The following TFCP2L1 variants were observed in gnomAD, a reference collection of about 807,000 sequenced individuals.
TFCP2L1 encodes the protein transcription factor CP2-like protein 1.
A neutral mutation model predicts 72.2 loss-of-function variants in TFCP2L1; 12 were observed. The ratio of observed to expected loss-of-function variants is 0.17; its 90% CI spans 0.11 to 0.27. TFCP2L1 has a LOEUF of 0.27. Among genes scored for constraint, TFCP2L1 ranks in the 10% least tolerant of loss-of-function variants. TFCP2L1 has a pLI of 1.00. For missense variants in TFCP2L1, 488 were observed against 624.6 expected, an observed-to-expected ratio of 0.78 and a Z score of 2.33; for synonymous variants, 260 against 251.0, an observed-to-expected ratio of 1.04 and a Z score of -0.34.
At chr2:121,266,942 T>TCACCC (rs2104741682) in intron 2 of TFCP2L1, among the ~76,000 whole-genome samples, 1 of 151,938 alleles carries the variant, frequency 6.6e-6, no homozygotes, top group East Asian at 1.9e-4. Flanking sequence ...AGATGGAGTC[T>TCACCC]CACCCTGTTG....
intron 8 of TFCP2L1, among the ~76,000 whole-genome samples, chr2:121,238,961 C>T (rs1307713332): frequency 6.6e-6 from 1 of 152,162 alleles, no homozygotes; most frequent in African/African-American, 2.4e-5. Flanking sequence ...GCCTCCACCC[C>T]TGCTGCCAGC....
At chr2:121,275,264 GT>G (rs1687123040) in intron 2 of TFCP2L1, among the ~76,000 whole-genome samples, 1 of 7,378 alleles carries the variant, frequency 1.4e-4, no homozygotes, top group Admixed American at 1.7e-3. Context: ...GGCGCCTGTA[GT>G]CGCGGCGCCT....
At chr2:121,253,272 T>TCCCATCAG (rs1463374625) in intron 2 of TFCP2L1, among the ~76,000 whole-genome samples, 10 of 152,210 alleles carry the variant, frequency 6.6e-5, no homozygotes, top group Non-Finnish European at 1.0e-4. Flanking sequence ...TGGACGCCTT[T>TCCCATCAG]CCCATCAGAG....
At chr2:121,253,995 G>A (rs1221162971) in intron 2 of TFCP2L1, among the ~76,000 whole-genome samples, 1 of 152,158 alleles carries the variant, frequency 6.6e-6, no homozygotes, top group Non-Finnish European at 1.5e-5. Flanking sequence ...GTCACATACA[G>A]GCTGACGAGC....
chr2:121,231,645 T>C (rs1686145199), intron 13 of TFCP2L1, among the ~76,000 whole-genome samples, 181 bp downstream of exon 13: 1 of 152,196 alleles, frequency 6.6e-6, no homozygotes, highest in African/African-American at 2.4e-5. Flanking sequence ...TGGCAGCCAT[T>C]TGGACCCAGA....
At chr2:121,253,870 C>T (rs1686659570) in intron 2 of TFCP2L1, among the ~76,000 whole-genome samples, 1 of 152,162 alleles carries the variant, frequency 6.6e-6, no homozygotes, top group African/African-American at 2.4e-5. Flanking sequence ...ATCCAGCCAC[C>T]CTCTGCATGC....
At chr2:121,262,219 C>A (rs1169211842) in intron 2 of TFCP2L1, among the ~76,000 whole-genome samples, 1 of 152,198 alleles carries the variant, frequency 6.6e-6, no homozygotes, top group South Asian at 2.1e-4. Flanking sequence ...GTAATCCCAG[C>A]ACTTTGGGAG....
intron 5 of TFCP2L1, 150 bp downstream of exon 5, chr2:121,248,014 A>G (rs1180802331): frequency 3.3e-6 from 2 of 601,284 alleles, no homozygotes; most frequent in Non-Finnish European, 2.9e-6. Context: ...TCTTTGCAAC[A>G]CTCATTCTCT....
chr2:121,249,370 C>T (rs936962461), intron 3 of TFCP2L1, among the ~76,000 whole-genome samples: 3 of 152,206 alleles, frequency 2.0e-5, no homozygotes, highest in African/African-American at 7.2e-5. Context: ...AAGTTCAACG[C>T]TGCCAGCCCA....
intron 2 of TFCP2L1, among the ~76,000 whole-genome samples, chr2:121,276,195 T>A (rs1165239384): frequency 6.6e-6 from 1 of 152,078 alleles, no homozygotes; most frequent in African/African-American, 2.4e-5. Flanking sequence ...TAGGTATTTA[T>A]CCTAATGCTA....
chr2:121,281,566 C>T (rs1687262734), intron 1 of TFCP2L1, among the ~76,000 whole-genome samples: 1 of 152,204 alleles, frequency 6.6e-6, no homozygotes, highest in South Asian at 2.1e-4. Flanking sequence ...AAATCCTCTC[C>T]ATGCCAGAGA....
Position 121,271,282 on chromosome 2 carries a change from CG to C in TFCP2L1, c.214+9837del, listed in dbSNP as rs371203840. ...TTTGTCTTAAAAAGCAAAAGGTACA[CG>C]TGGCGAACATATATAAGGTTATATG... On this transcript the variant is annotated intron_variant, in intron 2 of 14. Transcript: ENST00000263707. Among the ~76,000 whole-genome samples the C allele has an allele frequency of 9.8e-4, 148 of 151,440 alleles. 4 individuals are homozygous for C. In the South Asian group the frequency reaches 0.028, roughly 29 times the overall value.
intron 2 of TFCP2L1, among the ~76,000 whole-genome samples, chr2:121,268,234 T>C (rs1325181140): frequency 6.6e-6 from 1 of 152,278 alleles, no homozygotes; most frequent in African/African-American, 2.4e-5. Context: ...GGAAAGCGTT[T>C]GTTCTTTGTT....
intron 6 of TFCP2L1, among the ~76,000 whole-genome samples, 160 bp from the exon 7 acceptor site, chr2:121,242,629 C>A (rs1041715787): frequency 1.3e-5 from 2 of 152,122 alleles, no homozygotes; most frequent in Non-Finnish European, 2.9e-5. Flanking sequence ...TGAATGCTTC[C>A]CCACCTGAGG....
At chr2:121,239,381 G>A (rs1289437585) in intron 8 of TFCP2L1, among the ~76,000 whole-genome samples, 177 bp downstream of exon 8, 1 of 152,212 alleles carries the variant, frequency 6.6e-6, no homozygotes. Context: ...AACGTTTACA[G>A]GGGTGTTTCT....
rs115436803 is a variant in TFCP2L1, at chr2:121,229,757, G to A, written c.1341+2069C>T. 5.8e-3 allele frequency among the ~76,000 whole-genome samples: 887 copies of A among 152,300 alleles called. 5 individuals carry two copies. Among genetic ancestry groups the A allele is most frequent in the African/African-American group, 0.02 (849 of 41,558 alleles). The stretch of plus-strand genomic sequence containing the variant: ...CAGGTATATGCATCCCTGTTTTGCA[G>A]ATGTGGAAACTGTGGCACAGAGAGG... On this transcript the variant is annotated intron_variant, in intron 13 of 14. Coordinates refer to ENST00000263707, the MANE Select transcript of TFCP2L1 (RefSeq NM_014553.3).
intron 2 of TFCP2L1, among the ~76,000 whole-genome samples, chr2:121,271,977 C>T (rs72963337): frequency 0.015 from 2,350 of 152,248 alleles, 57 homozygotes; most frequent in African/African-American, 0.053. Context: ...CATTCCTTCC[C>T]CCCACAAAGC....
chr2:121,240,215 T>TGG (rs1364856577), intron 7 of TFCP2L1: 83 of 985,142 alleles, frequency 8.4e-5, no homozygotes, highest in Non-Finnish European at 9.8e-5. Flanking sequence ...GGCATTCTGC[T>TGG]GGGGGCTAAG....
intron 2 of TFCP2L1, among the ~76,000 whole-genome samples, chr2:121,268,317 CA>C (rs1348124216): frequency 5.3e-5 from 8 of 152,102 alleles, no homozygotes; most frequent in African/African-American, 1.9e-4. Flanking sequence ...TAAATATTTA[CA>C]TTTTTTTTAA....
Sources: gnomAD v4.1 joint callset for allele counts (sites outside exome capture counted in the v4.1 genomes callset) on GRCh38, gnomAD v4.1.1 for gene constraint, MANE v1.5 for transcripts, NCBI Gene and HGNC (gene_info 2026-07-23, HGNC 2026-07-21) for gene names.